The following SEMA3C variants were observed in gnomAD, a reference collection of about 807,000 sequenced individuals.
SEMA3C encodes semaphorin-3C.
SEMA3C carries 47 observed loss-of-function variants against 89.4 expected under a neutral mutation model. The observed-to-expected ratio is 0.53, with a 90% CI of 0.42 to 0.67. The LOEUF (loss-of-function observed/expected upper bound fraction) is 0.67, where lower values mean the gene tolerates loss of function less well. Ranked by LOEUF, SEMA3C falls within the 30% of genes least tolerant of loss-of-function variation. The pLI, the probability that SEMA3C is intolerant of heterozygous loss-of-function variation, is 0.00. For synonymous variants in SEMA3C, 310 were observed against 320.2 expected, an observed-to-expected ratio of 0.97 and a Z score of 0.34; for missense variants, 839 against 929.1, an observed-to-expected ratio of 0.90 and a Z score of 1.26.
At chr7:80,751,248 G>A in intron 16 of SEMA3C, 21 bp downstream of exon 16, 2 of 1,596,048 alleles carry the variant, frequency 1.3e-6, no homozygotes, top group Non-Finnish European at 1.7e-6. Context: ...ACTGAGATTG[G>A]CCATTGCTCA....
chr7:80,760,885 G>A (rs1050666251), intron 14 of SEMA3C, among the ~76,000 whole-genome samples: 3 of 152,134 alleles, frequency 2.0e-5, no homozygotes, highest in Non-Finnish European at 4.4e-5. Context: ...CTATTTGGAA[G>A]CCTACTCCAT....
intron 15 of SEMA3C, among the ~76,000 whole-genome samples, chr7:80,753,428 C>G (rs1321132600): frequency 1.3e-5 from 2 of 152,164 alleles, no homozygotes; most frequent in African/African-American, 2.4e-5. Context: ...GTGATCAACA[C>G]TATGTAATGG....
At chr7:80,803,814 A>G (rs940803749) in intron 8 of SEMA3C, among the ~76,000 whole-genome samples, 1 of 152,112 alleles carries the variant, frequency 6.6e-6, no homozygotes, top group African/African-American at 2.4e-5. Flanking sequence ...AGAAGTGTTT[A>G]TTTGTTCAAG....
At chr7:80,774,671 T>C (rs917030837) in intron 12 of SEMA3C, among the ~76,000 whole-genome samples, 4 of 152,032 alleles carry the variant, frequency 2.6e-5, no homozygotes, top group African/African-American at 4.8e-5. Flanking sequence ...ATTTATGCAA[T>C]TGGAAAAACA....
chr7:80,914,313 AC>A (rs1792220591), intron 2 of SEMA3C, among the ~76,000 whole-genome samples: 1 of 152,128 alleles, frequency 6.6e-6, no homozygotes, highest in Admixed American at 6.5e-5. Flanking sequence ...AAACTTAAAA[AC>A]CTACTTGGTA....
At chr7:80,886,928 C>T (rs1483532921) in intron 2 of SEMA3C, among the ~76,000 whole-genome samples, 1 of 152,018 alleles carries the variant, frequency 6.6e-6, no homozygotes, top group African/African-American at 2.4e-5. Flanking sequence ...TGCTAGGTAA[C>T]AAATATTGAT....
intron 12 of SEMA3C, among the ~76,000 whole-genome samples, chr7:80,780,549 T>C (rs1475182618): frequency 6.6e-6 from 1 of 152,188 alleles, no homozygotes; most frequent in Non-Finnish European, 1.5e-5. Context: ...AAGTTTCTAT[T>C]GCTGTCATGA....
intron 2 of SEMA3C, among the ~76,000 whole-genome samples, chr7:80,850,979 T>C (rs563628862): frequency 1.1e-3 from 163 of 152,218 alleles, no homozygotes; most frequent in African/African-American, 3.5e-3. Flanking sequence ...GCTTTGGGGA[T>C]CTGTTTCTTG....
intron 14 of SEMA3C, among the ~76,000 whole-genome samples, chr7:80,759,953 A>C (rs1043649641): frequency 6.6e-6 from 1 of 152,234 alleles, no homozygotes; most frequent in Non-Finnish European, 1.5e-5. Flanking sequence ...TGTAGGACAC[A>C]GGTAGTTTCA....
At chr7:80,813,719 G>C (rs1199208354) in intron 5 of SEMA3C, among the ~76,000 whole-genome samples, 1 of 151,922 alleles carries the variant, frequency 6.6e-6, no homozygotes, top group African/African-American at 2.4e-5. Context: ...TTAATAATTG[G>C]AGGCTTTATG....
intron 2 of SEMA3C, among the ~76,000 whole-genome samples, chr7:80,862,103 C>G (rs181206875): frequency 3.9e-5 from 6 of 152,192 alleles, no homozygotes; most frequent in Admixed American, 2.0e-4. Context: ...AGCAATCAGA[C>G]AAGAGAAAGA....
At chr7:80,877,308 T>C (rs1583970675) in intron 2 of SEMA3C, among the ~76,000 whole-genome samples, 1 of 152,290 alleles carries the variant, frequency 6.6e-6, no homozygotes, top group East Asian at 1.9e-4. Context: ...TTTTAACAAG[T>C]GCCCTAATTT....
intron 5 of SEMA3C, among the ~76,000 whole-genome samples, chr7:80,811,340 T>C (rs113692822): frequency 0.013 from 2,006 of 152,096 alleles, 50 homozygotes; most frequent in African/African-American, 0.045. Context: ...AGAAAGGTAA[T>C]AAATAATTAA....
rs147055017 is a variant in SEMA3C at position 80,855,473 on chromosome 7, T to C, written c.104-26728A>G. 6.1e-3 allele frequency among the ~76,000 whole-genome samples: 932 copies of C among 152,262 alleles called. 5 individuals are homozygous for C. Among genetic ancestry groups the C allele is most frequent in the African/African-American group, 0.021 (892 of 41,544 alleles). ...TTTCATAGAGACAGGTCTCGCTATG[T>C]TGCCCAGGCTGGTCTAGAACTCTTG... On this transcript the variant is annotated intron_variant, in intron 2 of 17. Transcript: ENST00000265361.
upstream of SEMA3C, chr7:80,919,340 C>G: frequency 1.0e-6 from 1 of 985,322 alleles, no homozygotes; most frequent in Non-Finnish European, 1.2e-6. Context: ...AACCCTGCTC[C>G]TTTCGCAGTC....
chr7:80,856,670 GA>G (rs1028975957), intron 2 of SEMA3C, among the ~76,000 whole-genome samples: 12 of 150,128 alleles, frequency 8.0e-5, no homozygotes, highest in African/African-American at 2.7e-4. Context: ...CTCTTTTCTG[GA>G]AAAAAAATGT....
At chr7:80,750,379 T>G (rs1158084103) in intron 16 of SEMA3C, among the ~76,000 whole-genome samples, 1 of 145,260 alleles carries the variant, frequency 6.9e-6, no homozygotes, top group Non-Finnish European at 1.5e-5. Flanking sequence ...GCAAACCAAG[T>G]GGCCAGTGAT....
chr7:80,855,829 G>C (rs1583945825), intron 2 of SEMA3C, among the ~76,000 whole-genome samples: 1 of 151,930 alleles, frequency 6.6e-6, no homozygotes, highest in Non-Finnish European at 1.5e-5. Context: ...GTTTGAGCTG[G>C]GGAGTTAACT....
intron 12 of SEMA3C, among the ~76,000 whole-genome samples, chr7:80,771,633 G>T (rs1458603034): frequency 6.6e-6 from 1 of 152,096 alleles, no homozygotes; most frequent in East Asian, 1.9e-4. Flanking sequence ...CTACTAAGCA[G>T]GTCATTGGAA....
Sources: allele counts gnomAD v4.1 joint callset (sites outside exome capture counted in the v4.1 genomes callset), GRCh38; gene constraint gnomAD v4.1.1; transcripts MANE v1.5; gene names NCBI Gene and HGNC (gene_info 2026-07-23, HGNC 2026-07-21).